VNN1: variants seen among roughly 807,000 people sequenced by gnomAD.
The protein encoded by VNN1 is vanin 1.
In VNN1, 29 loss-of-function variants were observed where a neutral mutation model predicts 41.9. That is an observed-to-expected ratio of 0.69 (90% CI 0.52 to 0.94). The LOEUF (loss-of-function observed/expected upper bound fraction) is 0.94. Ranked by LOEUF, VNN1 falls within the 40% of genes least tolerant of loss-of-function variation. VNN1 has a pLI of 0.00. For synonymous variants in VNN1, 233 were observed against 224.4 expected (o/e 1.04, Z -0.34); for missense variants, 637 against 621.1 (o/e 1.03, Z -0.27).
At chr6:132,711,915 T>C in intron 1 of VNN1, 76 bp from the exon 2 acceptor site, 2 of 1,526,320 alleles carry the variant, frequency 1.3e-6, no homozygotes, top group Non-Finnish European at 1.8e-6. Context: ...GTAACAACTA[T>C]TTGGGCTTCC....
rs773435740 is a variant in VNN1 at position 132,713,872 on chromosome 6, C to T, written c.164G>A (p.Arg55Gln). ...CGCTCCTTCCAAAATGTCCAGATTC[C>T]GATTCATTAATGCCAAAGCCTCCTC... ...SREEALALMNRNLDILEGAIT... is the reference protein window; with the variant it reads ...SREEALALMNQNLDILEGAIT... The change falls in exon 1 of 7, where the codon CGG becomes CAG. Residue 55 changes from arginine (R) to glutamine (Q), a missense_variant. Physicochemically the swap from Arg to Gln is conservative, Grantham distance 43 (BLOSUM62 1). Coordinates refer to ENST00000367928, the MANE Select transcript of VNN1 (RefSeq NM_004666.3). The T allele has an allele frequency of 3.8e-5, 61 of 1,613,458 alleles. No individual in the cohort carries two copies. Among genetic ancestry groups the T allele is most frequent in the Admixed American group, 6.7e-5 (4 of 59,988 alleles).
chr6:132,692,762 T>G (rs1778311377), intron 4 of VNN1, among the ~76,000 whole-genome samples, 178 bp from the exon 5 acceptor site: 1 of 152,002 alleles, frequency 6.6e-6, no homozygotes, highest in African/African-American at 2.4e-5. Context: ...AATTAAAGTA[T>G]GAAACCAAGA....
chr6:132,703,604 A>T (rs1254718816), intron 2 of VNN1, among the ~76,000 whole-genome samples: 1 of 152,132 alleles, frequency 6.6e-6, no homozygotes, highest in Non-Finnish European at 1.5e-5. Context: ...CATCAGAGAA[A>T]AACACCTTCA....
chr6:132,696,807 G>T, intron 2 of VNN1, among the ~76,000 whole-genome samples: 1 of 151,374 alleles, frequency 6.6e-6, no homozygotes, highest in Non-Finnish European at 1.5e-5. Flanking sequence ...AGGAGGGGAG[G>T]GGAGGAGAGG....
At position 132,693,282 on chromosome 6, in the gene VNN1, C is replaced by T; in HGVS notation, c.568G>A (p.Val190Ile). 6.2e-7 allele frequency: 1 copy of T among 1,610,570 alleles called. No homozygotes were observed. Among genetic ancestry groups the T allele is most frequent in the Non-Finnish European group, 8.5e-7 (1 of 1,178,776 alleles). Residue 190 changes from valine (V) to isoleucine (I), a missense_variant, in exon 4 of 7, where the codon GTA (valine) becomes ATA (isoleucine). Coordinates refer to ENST00000367928, the MANE Select transcript of VNN1 (RefSeq NM_004666.3). ...GTCACAATCTCAGGCTCCTTGGGTA[C>T]ATTGAATTGATTTTCACCCATGAAA... ...NLFMGENQFN[V>I]PKEPEIVTFN...
At chr6:132,697,713 A>G (rs1778393225) in intron 2 of VNN1, among the ~76,000 whole-genome samples, 2 of 152,044 alleles carry the variant, frequency 1.3e-5, no homozygotes, top group Admixed American at 6.6e-5. Flanking sequence ...AGCCATAGCA[A>G]TCATCTATAA....
At chr6:132,695,399 C>T (rs1364984703) in intron 2 of VNN1, among the ~76,000 whole-genome samples, 1 of 152,158 alleles carries the variant, frequency 6.6e-6, no homozygotes, top group African/African-American at 2.4e-5. Context: ...CATCCCCTGT[C>T]CCTGTGACAG....
At position 132,692,207 on chromosome 6, in the gene VNN1, G is replaced by T; in HGVS notation, c.1188+16C>A. The stretch of plus-strand genomic sequence containing the variant: ...CTTTATTTTATCCAGTAACTCTTCT[G>T]ACATCAAAATATTACCTGTAGATAA... On this transcript the variant is annotated intron_variant, in intron 5 of 6. Transcript: ENST00000367928. 1 of 1,527,480 alleles carries T rather than the reference G, an allele frequency of 6.5e-7. No individual in the cohort carries two copies. Among genetic ancestry groups the T allele is most frequent in the South Asian group, 1.3e-5 (1 of 75,998 alleles). 94.6% of individuals were successfully genotyped at this position (1,527,480 alleles called of 1,614,324 possible). A position where few individuals can be genotyped will look rare whatever the true frequency, so the allele number is the denominator to read the frequency against.
intron 2 of VNN1, among the ~76,000 whole-genome samples, chr6:132,708,047 C>T (rs1287043536): frequency 6.6e-6 from 1 of 151,938 alleles, no homozygotes; most frequent in Non-Finnish European, 1.5e-5. Context: ...ATCTCATGTA[C>T]CCTATAAATA....
intron 5 of VNN1, among the ~76,000 whole-genome samples, chr6:132,690,613 AT>A (rs1453666662): frequency 1.3e-5 from 2 of 152,242 alleles, no homozygotes; most frequent in Admixed American, 1.3e-4. Context: ...GTCTTTCTCC[AT>A]TACTAAAGAC....
chr6:132,712,822 C>T (rs1562222499), intron 1 of VNN1, among the ~76,000 whole-genome samples: 1 of 152,122 alleles, frequency 6.6e-6, no homozygotes, highest in African/African-American at 2.4e-5. Context: ...CTCCTGATAA[C>T]CTTTTAAATA....
chr6:132,706,335 AC>A (rs1562220472), intron 2 of VNN1, among the ~76,000 whole-genome samples: 1 of 152,054 alleles, frequency 6.6e-6, no homozygotes, highest in Non-Finnish European at 1.5e-5. Context: ...AGAAGAGAGA[AC>A]CCAGAAATAA....
chr6:132,696,331 G>C (rs1778370928), intron 2 of VNN1, among the ~76,000 whole-genome samples: 1 of 152,140 alleles, frequency 6.6e-6, no homozygotes, highest in Non-Finnish European at 1.5e-5. Flanking sequence ...CAGAGCCTTA[G>C]GAACACCATT....
At chr6:132,711,124 A>C (rs558878974) in intron 2 of VNN1, among the ~76,000 whole-genome samples, 107 of 152,362 alleles carry the variant, frequency 7.0e-4, no homozygotes, top group African/African-American at 2.5e-3. Flanking sequence ...AAATAATTTT[A>C]GCCATGTGTA....
intron 2 of VNN1, among the ~76,000 whole-genome samples, chr6:132,702,836 A>G (rs1051007713): frequency 5.3e-5 from 8 of 152,226 alleles, no homozygotes; most frequent in African/African-American, 1.9e-4. Flanking sequence ...TGCTAACTAA[A>G]GAGCCCTTGG....
chr6:132,693,168 G>A lies in VNN1; in HGVS notation c.682C>T (p.His228Tyr), dbSNP rs1449786989. 1.2e-6 allele frequency: 2 copies of A among 1,613,988 alleles called. No individual in the cohort carries two copies. Among genetic ancestry groups the A allele is most frequent in the Admixed American group, 3.3e-5 (2 of 60,002 alleles). Reference sequence around the variant, plus strand: ...GTTGGGAATACTATGGTGTCCACGTGGAAATCTTTCACCAAGGTAACAGCA... The same window carrying A: ...GTTGGGAATACTATGGTGTCCACGTAGAAATCTTTCACCAAGGTAACAGCA... ...DPAVTLVKDF[H>Y]VDTIVFPTAW... The change falls in exon 4 of 7, where the codon CAC becomes TAC. Residue 228 changes from histidine (H) to tyrosine (Y), a missense_variant. His to Tyr is a moderately conservative substitution (Grantham distance 83, BLOSUM62 2). Transcript: ENST00000367928.
chr6:132,700,952 T>C (rs1406254444), intron 2 of VNN1, among the ~76,000 whole-genome samples: 1 of 152,214 alleles, frequency 6.6e-6, no homozygotes, highest in Admixed American at 6.5e-5. Flanking sequence ...CTATGAAGCC[T>C]CAAAACATCA....
chr6:132,714,049 G>T lies in VNN1; in HGVS notation c.-14C>A, dbSNP rs914956533. ...CTGAGTAGTCATGCTGAAGTCCAAT[G>T]AGTGCTGAAAAACAGAGCATGTCCT... On this transcript the variant is annotated 5_prime_UTR_variant, in exon 1 of 7. Transcript: ENST00000367928. 1.2e-6 allele frequency: 2 copies of T among 1,602,484 alleles called. No individual in the cohort carries two copies. The highest frequency in any genetic ancestry group is 1.1e-5 in the South Asian group (1 of 90,050).
chr6:132,682,723 A>G lies in VNN1; in HGVS notation c.*417T>C, dbSNP rs1778143656. 1 of 153,330 alleles carries G rather than the reference A, an allele frequency of 6.5e-6. No individual in the cohort carries two copies. The highest frequency in any genetic ancestry group is 2.4e-5 in the African/African-American group (1 of 41,496). 9.5% of individuals were successfully genotyped at this position (153,330 alleles called of 1,614,324 possible). On this transcript the variant is annotated 3_prime_UTR_variant, in exon 7 of 7. Coordinates refer to ENST00000367928, the MANE Select transcript of VNN1 (RefSeq NM_004666.3). ...ATCAAAATGTATTGTTTAGGTAAAA[A>G]ACAAAAAGAGCAAACAAACAAAGTC...
Sources: allele counts gnomAD v4.1 joint callset (sites outside exome capture counted in the v4.1 genomes callset), GRCh38; gene constraint gnomAD v4.1.1; transcripts MANE v1.5; gene names NCBI Gene and HGNC (gene_info 2026-07-23, HGNC 2026-07-21).